PHC2: variants seen among roughly 807,000 people sequenced by gnomAD.
The protein encoded by PHC2 is polyhomeotic-like protein 2.
PHC2 carries 29 observed loss-of-function variants against 87.4 expected under a neutral mutation model. That is an observed-to-expected ratio of 0.33 (90% CI 0.25 to 0.45). PHC2 has a LOEUF of 0.45. Among genes scored for constraint, PHC2 ranks in the 20% least tolerant of loss-of-function variants. The pLI, the probability that PHC2 is intolerant of heterozygous loss-of-function variation, is 1.00. For missense variants in PHC2, 857 were observed against 1,136.7 expected, an observed-to-expected ratio of 0.75 and a Z score of 3.54; for synonymous variants, 438 against 461.7, an observed-to-expected ratio of 0.95 and a Z score of 0.66.
intron 3 of PHC2, among the ~76,000 whole-genome samples, chr1:33,371,671 A>G (rs1408091644): frequency 3.3e-5 from 5 of 152,240 alleles, no homozygotes; most frequent in African/African-American, 1.2e-4. Context: ...TTTCCTGACC[A>G]TGCAATGCAA....
chr1:33,328,377 A>ATTTT (rs1646417011), intron 14 of PHC2, among the ~76,000 whole-genome samples: 1 of 56,848 alleles, frequency 1.8e-5, no homozygotes, highest in African/African-American at 7.4e-5. Context: ...TTCTTAATTA[A>ATTTT]ATTTTTTTTT....
intron 13 of PHC2, among the ~76,000 whole-genome samples, chr1:33,329,503 A>T (rs889106434): frequency 2.0e-5 from 3 of 152,078 alleles, no homozygotes; most frequent in Non-Finnish European, 4.4e-5. Context: ...AAAAAAAATA[A>T]GGCAAAATTA....
At chr1:33,406,082 G>C (rs553936000) in intron 1 of PHC2, among the ~76,000 whole-genome samples, 1 of 152,282 alleles carries the variant, frequency 6.6e-6, no homozygotes, top group South Asian at 2.1e-4. Flanking sequence ...AATGCTGAGA[G>C]AAGAATGTAA....
chr1:33,430,723 C>T lies in PHC2; in HGVS notation c.-55+253G>A, dbSNP rs1464858222. 2.6e-5 allele frequency among the ~76,000 whole-genome samples: 4 copies of T among 151,286 alleles called. No individual in the cohort carries two copies. In the East Asian group the frequency reaches 7.8e-4, roughly 30 times the overall value. ...CCGGCCCGGGGGCGCCGCGCTCTGC[C>T]GGTCGCCGGCCGGGACTGCGGGCTC... On this transcript the variant is annotated intron_variant, in intron 1 of 14. Coordinates refer to ENST00000683057, the MANE Select transcript of PHC2 (RefSeq NM_001385109.1).
At chr1:33,388,013 A>C (rs1648850375) in intron 1 of PHC2, among the ~76,000 whole-genome samples, 2 of 152,262 alleles carry the variant, frequency 1.3e-5, no homozygotes. Context: ...TCTACACATA[A>C]GGTTGGTCCT....
chr1:33,381,239 G>T (rs903857341), intron 1 of PHC2, among the ~76,000 whole-genome samples: 2 of 152,148 alleles, frequency 1.3e-5, no homozygotes, highest in African/African-American at 2.4e-5. Flanking sequence ...AAAGTGATTT[G>T]CTTGGGGGTG....
Position 33,328,957 on chromosome 1 carries a change from G to C in PHC2, c.2338C>G (p.Leu780Val), listed in dbSNP as rs540456341. 13 of 1,614,194 alleles carry C rather than the reference G, an allele frequency of 8.1e-6. No individual in the cohort carries two copies. The East Asian group carries it at 2.7e-4, about 33-fold the overall frequency. ...LELPDMHMRDLVGMGHHFLPS... is the reference protein window; with the variant it reads ...LELPDMHMRDVVGMGHHFLPS... The stretch of plus-strand genomic sequence containing the variant: ...AGGAAGTGGTGTCCCATGCCCACCA[G>C]GTCCCGCATATGCATGTCGGGGAGC... Residue 780 changes from leucine (L) to valine (V), a missense_variant, in exon 14 of 15, where the codon CTG (leucine) becomes GTG (valine). By Grantham distance (32) the Leu-to-Val change is conservative. Around this residue, in one of 3 missense-constraint regions of PHC2, gnomAD observed 832 missense variants for 1,081.8 expected, o/e 0.77. Transcript: ENST00000683057.
At position 33,336,004 on chromosome 1, in the gene PHC2, T is replaced by G. The variant is rs1265314877; in HGVS notation, c.1559-1712A>C. ...TTGTTGTTGTTGTTGTTGTTTTTTT[T>G]TTTAGATGGAGTCTCACTCTGTCAC... On this transcript the variant is annotated intron_variant, in intron 9 of 14. Coordinates refer to ENST00000683057, the MANE Select transcript of PHC2 (RefSeq NM_001385109.1). Among the ~76,000 whole-genome samples the G allele has an allele frequency of 2.5e-3, 382 of 151,808 alleles. 1 individual carries two copies. Among genetic ancestry groups the G allele is most frequent in the Non-Finnish European group, 4.0e-3 (273 of 67,894 alleles).
chr1:33,361,427 G>A (rs1348950280), intron 7 of PHC2, among the ~76,000 whole-genome samples: 1 of 152,112 alleles, frequency 6.6e-6, no homozygotes, highest in East Asian at 1.9e-4. Context: ...TGCAACCTCC[G>A]CCTCCTCGGT....
chr1:33,365,144 A>G (rs1274274880), intron 7 of PHC2, among the ~76,000 whole-genome samples: 1 of 152,150 alleles, frequency 6.6e-6, no homozygotes, highest in Non-Finnish European at 1.5e-5. Context: ...GGATGTGGTA[A>G]GCTCCTGGAG....
chr1:33,430,032 G>C (rs1453367975), intron 1 of PHC2, among the ~76,000 whole-genome samples: 3 of 152,152 alleles, frequency 2.0e-5, no homozygotes, highest in East Asian at 3.9e-4. Flanking sequence ...TGTCGCAAAA[G>C]CTAAATTACA....
intron 1 of PHC2, among the ~76,000 whole-genome samples, chr1:33,414,220 A>AC (rs1411308736): frequency 0.01 from 1,224 of 120,834 alleles, 18 homozygotes; most frequent in African/African-American, 0.035. Flanking sequence ...CACACACACA[A>AC]GAAAGGTTAA....
chr1:33,415,025 G>C (rs1650146637), intron 1 of PHC2, among the ~76,000 whole-genome samples: 2 of 152,200 alleles, frequency 1.3e-5, no homozygotes. Context: ...TGATCGCTAA[G>C]AAAAGGGACA....
At chr1:33,424,136 A>G (rs564060997) in intron 1 of PHC2, among the ~76,000 whole-genome samples, 74 of 152,202 alleles carry the variant, frequency 4.9e-4, no homozygotes, top group African/African-American at 1.7e-3. Flanking sequence ...AACAAAAAAA[A>G]AGAAAGTGCT....
chr1:33,379,890 A>C (rs1362783511), intron 1 of PHC2, among the ~76,000 whole-genome samples: 1 of 151,858 alleles, frequency 6.6e-6, no homozygotes. Context: ...TGGCTCTCCC[A>C]AGTGCCCGCA....
chr1:33,427,230 G>A (rs1650709699), intron 1 of PHC2, among the ~76,000 whole-genome samples: 1 of 152,172 alleles, frequency 6.6e-6, no homozygotes, highest in Non-Finnish European at 1.5e-5. Context: ...AAAGAGCTTA[G>A]CACGATGCCT....
At chr1:33,411,017 A>G (rs1649961498) in intron 1 of PHC2, among the ~76,000 whole-genome samples, 1 of 152,216 alleles carries the variant, frequency 6.6e-6, no homozygotes, top group African/African-American at 2.4e-5. Flanking sequence ...ACTTCCATTT[A>G]TTATGATTAC....
chr1:33,347,550 C>T (rs1288054587), intron 9 of PHC2: 1 of 985,042 alleles, frequency 1.0e-6, no homozygotes, highest in Non-Finnish European at 1.2e-6. Context: ...TGCCACATGT[C>T]AGTAAAGAAC....
chr1:33,398,832 C>A (rs2148372592), intron 1 of PHC2, among the ~76,000 whole-genome samples: 1 of 152,282 alleles, frequency 6.6e-6, no homozygotes, highest in Admixed American at 6.5e-5. Flanking sequence ...GGCTTCACAA[C>A]AGAGGGCACA....
Sources: gnomAD v4.1 joint callset for allele counts (sites outside exome capture counted in the v4.1 genomes callset) on GRCh38, gnomAD v4.1.1 for gene constraint, gnomAD v4.1.1 regional missense constraint, MANE v1.5 for transcripts, NCBI Gene and HGNC (gene_info 2026-07-23, HGNC 2026-07-21) for gene names.